APOOL: variants seen among roughly 807,000 people sequenced by gnomAD.
APOOL encodes MICOS complex subunit MIC27.
In APOOL, 12 loss-of-function variants were observed where a neutral mutation model predicts 23.1. That is an observed-to-expected ratio of 0.52 (90% CI 0.33 to 0.84). APOOL has a LOEUF of 0.84. Among genes scored for constraint, APOOL ranks in the 40% least tolerant of loss-of-function variants. The probability of loss-of-function intolerance (pLI) is 0.02; values close to 1 mark genes in which losing one functional copy is unlikely to be tolerated. For missense variants in APOOL, 212 were observed against 199.6 expected (o/e 1.06, Z -0.37); for synonymous variants, 77 against 69.9 (o/e 1.10, Z -0.51).
intron 8 of APOOL, among the ~76,000 whole-genome samples, chrX:85,083,837 T>G (rs1004018786): frequency 8.9e-6 from 1 of 112,020 alleles, no homozygotes; most frequent in Non-Finnish European, 1.9e-5. Context: ...AAGGGCTATT[T>G]GAGACTATAA....
intron 1 of APOOL, among the ~76,000 whole-genome samples, chrX:85,011,469 C>A (rs985200926): frequency 8.9e-6 from 1 of 111,739 alleles, no homozygotes; most frequent in Admixed American, 9.5e-5. Context: ...TTTATGGTTT[C>A]AGGTCTTAGA....
In APOOL at chrX:85,046,962, A is replaced by G. The variant is rs150655350; in HGVS notation, c.120+412A>G. ...TCTGTATGGTACTGTAATTCCCTCTATAGTAGGCACATTTAGTGGCCATAT... is the reference window on the plus strand; with the variant it reads ...TCTGTATGGTACTGTAATTCCCTCTGTAGTAGGCACATTTAGTGGCCATAT... On this transcript the variant is annotated intron_variant, in intron 2 of 8. Transcript: ENST00000373173. Among the ~76,000 whole-genome samples, 49 of 111,468 alleles carry G rather than the reference A, an allele frequency of 4.4e-4. No homozygotes were observed. In the East Asian group the frequency reaches 0.013, roughly 30 times the overall value.
chrX:85,082,236 C>T (rs1401653280), intron 8 of APOOL, among the ~76,000 whole-genome samples: 13 of 111,357 alleles, frequency 1.2e-4, no homozygotes, highest in African/African-American at 4.2e-4. Context: ...TTTTATCTAC[C>T]TTTGGTCTTT....
rs780655372 is a variant in APOOL, at chrX:85,055,885, T to G, written c.354T>G (p.Ile118Met). 1 of 1,205,338 alleles carries G rather than the reference T, an allele frequency of 8.3e-7. No homozygotes were observed. The change falls in exon 5 of 9, where the codon ATT becomes ATG. Residue 118 changes from isoleucine (I) to methionine (M), a missense_variant. Coordinates refer to ENST00000373173, the MANE Select transcript of APOOL (RefSeq NM_198450.6). ...ATTTTCTTCCGAAAATGGGAGTTAT[T>G]ACAGTTTCAGGATTGGCGGGCTTGG... ...PRDFLPKMGVITVSGLAGLVS... is the reference protein window; with the variant it reads ...PRDFLPKMGVMTVSGLAGLVS...
In APOOL at chrX:85,092,738, T is replaced by G. The variant is rs949221919; in HGVS notation, c.*5060T>G. The G allele has an allele frequency of 6.9e-6, 3 of 434,136 alleles. No individual in the cohort carries two copies. In the African/African-American group the frequency reaches 7.4e-5, roughly 11 times the overall value. 35.8% of individuals were successfully genotyped at this position (434,136 alleles called of 1,213,427 possible). ...TGTAAAAAGAAAAAAGTCTCACTGT[T>G]CTGAGCTTTAAAGCCCTCTTTAAAA... On this transcript the variant is annotated 3_prime_UTR_variant, in exon 9 of 9. Transcript: ENST00000373173.
Position 85,028,634 on chromosome X carries a change from AT to A in APOOL, c.16-17798del, listed in dbSNP as rs1338559187. ...TGCTACCAAATAGTAGGTCTGATTGATTTTTTTTTTTTTTGTAATAACTAAC... is the reference window on the plus strand; with the variant it reads ...TGCTACCAAATAGTAGGTCTGATTGATTTTTTTTTTTTTGTAATAACTAAC... On this transcript the variant is annotated intron_variant, in intron 1 of 8. Coordinates refer to ENST00000373173, the MANE Select transcript of APOOL (RefSeq NM_198450.6). Among the ~76,000 whole-genome samples, 522 of 100,626 alleles carry A rather than the reference AT, an allele frequency of 5.2e-3. 1 individual carries two copies. The highest frequency in any genetic ancestry group is 8.3e-3 in the African/African-American group (232 of 27,964). The allele number at this position is 100,626 out of a possible 115,157, so 87.4% of individuals were successfully genotyped here.
intron 6 of APOOL, among the ~76,000 whole-genome samples, chrX:85,071,842 C>A (rs1017864829): frequency 3.6e-5 from 4 of 112,185 alleles, no homozygotes; most frequent in African/African-American, 6.5e-5. Context: ...TGCCTGTAAT[C>A]CCAGCACTTT....
rs185459604 is a variant in APOOL, at chrX:85,072,914, T to C, written c.487-1084T>C. Among the ~76,000 whole-genome samples the C allele has an allele frequency of 2.7e-5, 3 of 112,042 alleles. No individual in the cohort carries two copies. In the East Asian group the frequency reaches 8.4e-4, roughly 31 times the overall value. ...TTGTATAATCTATTCTGTAACTTTT[T>C]CAAATTAGTGGTTCATCATGGACTT... is the stretch of plus-strand genomic sequence containing the variant. On this transcript the variant is annotated intron_variant, in intron 6 of 8. Transcript: ENST00000373173.
chrX:85,056,670 G>T (rs765457348), intron 5 of APOOL, among the ~76,000 whole-genome samples: 5 of 111,341 alleles, frequency 4.5e-5, no homozygotes, highest in African/African-American at 1.6e-4. Flanking sequence ...TTGAACCCGG[G>T]AGGCAGAGGT....
intron 1 of APOOL, among the ~76,000 whole-genome samples, chrX:85,015,542 ATATTTATT>A (rs150837249): frequency 3.0e-3 from 301 of 98,979 alleles, no homozygotes; most frequent in Middle Eastern, 0.015. Flanking sequence ...TCGGACTTTA[ATATTTATT>A]TATTTATTTA....
intron 5 of APOOL, among the ~76,000 whole-genome samples, chrX:85,059,418 G>A (rs1358736894): frequency 9.1e-6 from 1 of 110,329 alleles, no homozygotes; most frequent in Admixed American, 9.7e-5. Flanking sequence ...GGGTCAAATG[G>A]TATTTCTAGT....
intron 8 of APOOL, among the ~76,000 whole-genome samples, chrX:85,074,984 T>C (rs963537138): frequency 2.7e-5 from 3 of 110,520 alleles, no homozygotes; most frequent in African/African-American, 9.8e-5. Context: ...GCTGTGATTT[T>C]ACTGTGATCA....
In APOOL at chrX:85,090,150, A is replaced by G. The variant is rs2147674595; in HGVS notation, c.*2472A>G. The G allele has an allele frequency of 9.0e-6, 1 of 110,846 alleles. No homozygotes were observed. The highest frequency in any genetic ancestry group is 2.9e-4 in the East Asian group (1 of 3,504). The allele number at this position is 110,846 out of a possible 1,213,427, so 9.1% of individuals were successfully genotyped here. ...TGCTGTACCTCCAGGGAGCAGATACACATTCAAAGTAGGAAATAGCAGATA... is the reference window on the plus strand; with the variant it reads ...TGCTGTACCTCCAGGGAGCAGATACGCATTCAAAGTAGGAAATAGCAGATA... On this transcript the variant is annotated 3_prime_UTR_variant, in exon 9 of 9. Transcript: ENST00000373173.
At chrX:85,060,878 C>T (rs981566319) in intron 5 of APOOL, among the ~76,000 whole-genome samples, 1 of 111,321 alleles carries the variant, frequency 9.0e-6, no homozygotes, top group Non-Finnish European at 1.9e-5. Context: ...TTATTTCCTT[C>T]TCCTGCCTGA....
intron 1 of APOOL, among the ~76,000 whole-genome samples, chrX:85,012,767 G>A (rs1236382929): frequency 9.0e-6 from 1 of 111,692 alleles, no homozygotes; most frequent in Non-Finnish European, 1.9e-5. Flanking sequence ...GAGGATTTTT[G>A]CATCTGTGTT....
chrX:85,046,433 A>G lies in APOOL; in HGVS notation c.16-13A>G. On this transcript the variant is annotated splice_polypyrimidine_tract_variant and intron_variant, in intron 1 of 8. Transcript: ENST00000373173. ...TTTCAACTAAAAAGATGTTTTTGAT[A>G]TATCTTTCTTAGATGGGAAAACTGA... 8.5e-7 allele frequency: 1 copy of G among 1,177,294 alleles called. No homozygotes were observed. The highest frequency in any genetic ancestry group is 1.1e-6 in the Non-Finnish European group (1 of 873,048).
In APOOL at chrX:85,090,292, C is replaced by T. The variant is rs1924484315; in HGVS notation, c.*2614C>T. On this transcript the variant is annotated 3_prime_UTR_variant, in exon 9 of 9. Transcript: ENST00000373173. ...CCAGTACTTGTCATATAGCCACACA[C>T]TTAGCTCAAGGAAGATAGGGAATAG... The T allele has an allele frequency of 8.9e-6, 1 of 111,933 alleles. No individual in the cohort carries two copies. The highest frequency in any genetic ancestry group is 1.9e-5 in the Non-Finnish European group (1 of 53,219). The allele number at this position is 111,933 out of a possible 1,213,427, so 9.2% of individuals were successfully genotyped here.
chrX:85,050,543 TC>T (rs1223754550), intron 2 of APOOL, among the ~76,000 whole-genome samples: 1 of 108,468 alleles, frequency 9.2e-6, no homozygotes, highest in Non-Finnish European at 1.9e-5. Context: ...ACTTGATTCT[TC>T]CCAGTTCTAT....
At chrX:85,006,566 A>C in intron 1 of APOOL, among the ~76,000 whole-genome samples, 1 of 110,536 alleles carries the variant, frequency 9.0e-6, no homozygotes. Context: ...TTAAAAAAAA[A>C]AAAAACTAAA....
Sources: allele counts gnomAD v4.1 joint callset (sites outside exome capture counted in the v4.1 genomes callset), GRCh38; gene constraint gnomAD v4.1.1; transcripts MANE v1.5; gene names NCBI Gene and HGNC (gene_info 2026-07-23, HGNC 2026-07-21).